Variants in SMYD3 observed in about 807,000 individuals in gnomAD.
SMYD3 encodes histone-lysine N-methyltransferase SMYD3.
A neutral mutation model predicts 57.7 loss-of-function variants in SMYD3; 36 were observed. The observed-to-expected ratio is 0.62, with a 90% CI of 0.48 to 0.82. The LOEUF (loss-of-function observed/expected upper bound fraction) is 0.82. SMYD3 is among the 40% of genes least tolerant of loss of function. The pLI, the probability that SMYD3 is intolerant of heterozygous loss-of-function variation, is 0.00. For missense variants in SMYD3, 515 were observed against 538.8 expected, an observed-to-expected ratio of 0.96 and a Z score of 0.44; for synonymous variants, 211 against 195.0, an observed-to-expected ratio of 1.08 and a Z score of -0.68.
At chr1:246,085,019 G>A (rs1212876724) in intron 5 of SMYD3, among the ~76,000 whole-genome samples, 1 of 152,166 alleles carries the variant, frequency 6.6e-6, no homozygotes, top group Non-Finnish European at 1.5e-5. Context: ...AATGCTGCAT[G>A]TACCTCCTGT....
At chr1:246,198,195 A>G (rs1225214463) in intron 5 of SMYD3, among the ~76,000 whole-genome samples, 1 of 152,094 alleles carries the variant, frequency 6.6e-6, no homozygotes, top group Non-Finnish European at 1.5e-5. Context: ...CATATTTAGT[A>G]AAGAACCAGG....
At chr1:246,384,104 G>T (rs1264361266) in intron 1 of SMYD3, among the ~76,000 whole-genome samples, 2 of 152,094 alleles carry the variant, frequency 1.3e-5, no homozygotes, top group Non-Finnish European at 2.9e-5. Flanking sequence ...TATCTCATAT[G>T]AAGTATTTTC....
At chr1:245,870,276 G>A (rs936610730) in intron 8 of SMYD3, among the ~76,000 whole-genome samples, 6 of 152,076 alleles carry the variant, frequency 3.9e-5, no homozygotes, top group Admixed American at 2.6e-4. Flanking sequence ...CGTTCCCACC[G>A]CAGCTGTGGG....
At chr1:246,091,659 G>A (rs934975996) in intron 5 of SMYD3, among the ~76,000 whole-genome samples, 3 of 152,174 alleles carry the variant, frequency 2.0e-5, no homozygotes, top group African/African-American at 7.2e-5. Context: ...ACATACTTGC[G>A]TGGTTTAGAC....
intron 5 of SMYD3, among the ~76,000 whole-genome samples, chr1:245,993,580 AGATAGAT>A (rs1312049019): frequency 1.9e-4 from 2 of 10,806 alleles, no homozygotes; most frequent in Admixed American, 1.6e-3. Flanking sequence ...AAAAAAAAAA[AGATAGAT>A]AGATAGATAG....
intron 5 of SMYD3, among the ~76,000 whole-genome samples, chr1:245,973,720 T>C (rs1027654686): frequency 2.0e-5 from 3 of 152,162 alleles, no homozygotes; most frequent in Admixed American, 6.5e-5. Context: ...CAAGAACAAA[T>C]GTCCCAGTTA....
At chr1:246,373,965 C>T (rs1205207595) in intron 1 of SMYD3, among the ~76,000 whole-genome samples, 1 of 152,142 alleles carries the variant, frequency 6.6e-6, no homozygotes, top group Admixed American at 6.5e-5. Context: ...AATATACTGA[C>T]CCCCTTCCAA....
chr1:245,835,180 C>T (rs934330890), intron 10 of SMYD3, among the ~76,000 whole-genome samples: 3 of 144,426 alleles, frequency 2.1e-5, no homozygotes, highest in Admixed American at 7.2e-5. Flanking sequence ...AGTGCAACAG[C>T]GCAATCTTGG....
intron 5 of SMYD3, among the ~76,000 whole-genome samples, chr1:246,237,645 C>A (rs2148466666): frequency 6.6e-6 from 1 of 152,278 alleles, no homozygotes; most frequent in African/African-American, 2.4e-5. Context: ...TTTTAAAAGT[C>A]CCTGTAAACC....
intron 5 of SMYD3, among the ~76,000 whole-genome samples, chr1:246,307,483 G>A (rs1439797991): frequency 7.1e-6 from 1 of 140,576 alleles, no homozygotes; most frequent in African/African-American, 2.7e-5. Flanking sequence ...GCAGTGGCGT[G>A]ATCTCGGCTC....
At chr1:246,132,826 C>A (rs2061607344) in intron 5 of SMYD3, among the ~76,000 whole-genome samples, 1 of 152,018 alleles carries the variant, frequency 6.6e-6, no homozygotes, top group Non-Finnish European at 1.5e-5. Context: ...GGAAAGGACT[C>A]AAACAGATAT....
At chr1:245,838,655 C>T (rs1468071708) in intron 10 of SMYD3, among the ~76,000 whole-genome samples, 1 of 152,144 alleles carries the variant, frequency 6.6e-6, no homozygotes, top group Non-Finnish European at 1.5e-5. Flanking sequence ...CAAAGGGGCT[C>T]CTGCAAGTGG....
intron 5 of SMYD3, among the ~76,000 whole-genome samples, chr1:245,935,690 T>G (rs2056954071): frequency 6.6e-6 from 1 of 152,078 alleles, no homozygotes; most frequent in Admixed American, 6.5e-5. Context: ...ACAAATGGAG[T>G]AATATTCAGC....
intron 5 of SMYD3, among the ~76,000 whole-genome samples, chr1:245,996,590 G>T (rs1356811623): frequency 1.3e-5 from 2 of 152,186 alleles, no homozygotes; most frequent in Non-Finnish European, 2.9e-5. Flanking sequence ...TAAAAATTCA[G>T]TAACTATCTG....
intron 5 of SMYD3, among the ~76,000 whole-genome samples, chr1:246,097,657 G>T (rs183930145): frequency 1.2e-3 from 176 of 151,808 alleles, no homozygotes; most frequent in Non-Finnish European, 1.2e-3. Context: ...TACTTTCACC[G>T]AGAGGGCTGT....
At chr1:246,326,203 AC>A (rs574976571) in intron 5 of SMYD3, 35 of 441,458 alleles carry the variant, frequency 7.9e-5, no homozygotes, top group African/African-American at 6.3e-4. Context: ...ACGTGTGCTT[AC>A]AAATTACAAA....
intron 5 of SMYD3, among the ~76,000 whole-genome samples, chr1:246,050,534 T>C (rs1398352707): frequency 2.0e-5 from 3 of 152,182 alleles, no homozygotes; most frequent in Non-Finnish European, 4.4e-5. Flanking sequence ...GTTCTAAGTG[T>C]CAGGTCCAAC....
intron 5 of SMYD3, among the ~76,000 whole-genome samples, chr1:246,171,800 C>T (rs190453445): frequency 7.2e-5 from 11 of 152,172 alleles, no homozygotes; most frequent in Non-Finnish European, 1.2e-4. Flanking sequence ...TGCTTGAGGC[C>T]GGGAGTTTGA....
chr1:246,118,463 G>A (rs1474500074), intron 5 of SMYD3, among the ~76,000 whole-genome samples: 3 of 152,150 alleles, frequency 2.0e-5, no homozygotes, highest in Non-Finnish European at 2.9e-5. Flanking sequence ...GGTATTATGT[G>A]CAATATGGTG....
Sources: gnomAD v4.1 joint callset for allele counts (sites outside exome capture counted in the v4.1 genomes callset) on GRCh38, gnomAD v4.1.1 for gene constraint, MANE v1.5 for transcripts, NCBI Gene and HGNC (gene_info 2026-07-23, HGNC 2026-07-21) for gene names.